SCAND3: variants seen among roughly 807,000 people sequenced by gnomAD.
SCAND3 encodes SCAN domain-containing protein 3.
the SCAND3 span, among the ~76,000 whole-genome samples, chr6:28,610,818 A>G: frequency 7.8e-4 from 119 of 152,328 alleles, no homozygotes; most frequent in African/African-American, 2.8e-3. Context: ...TGTTAGAAAA[A>G]CAATGTAATC....
chr6:28,588,508 G>A, the SCAND3 span, among the ~76,000 whole-genome samples: 1 of 152,282 alleles, frequency 6.6e-6, no homozygotes, highest in African/African-American at 2.4e-5. The surrounding 1 kb of genome is among the most constrained non-coding windows in gnomAD (Gnocchi z 4.1). Flanking sequence ...AGTCAACGTG[G>A]CAAGAAGTGA....
the SCAND3 span, chr6:28,575,123 T>C: frequency 6.2e-7 from 1 of 1,614,194 alleles, no homozygotes; most frequent in Non-Finnish European, 8.5e-7. The surrounding 1 kb of genome is among the most constrained non-coding windows in gnomAD (Gnocchi z 4.2). Flanking sequence ...AAGCCCAGTT[T>C]AGCTTCAGAG....
the SCAND3 span, among the ~76,000 whole-genome samples, chr6:28,615,237 A>G: frequency 7.2e-5 from 11 of 152,314 alleles, no homozygotes; most frequent in Non-Finnish European, 1.3e-4. Context: ...TTTCATATGA[A>G]TTTTAACCAA....
chr6:28,586,784 T>C, the SCAND3 span: 1 of 1,400,856 alleles, frequency 7.1e-7, no homozygotes. The surrounding 1 kb of genome is among the most constrained non-coding windows in gnomAD (Gnocchi z 4.4). Flanking sequence ...GTGATTTTAC[T>C]TGAGCTCCTT....
chr6:28,574,334 T>C, the SCAND3 span, among the ~76,000 whole-genome samples: 1 of 152,182 alleles, frequency 6.6e-6, no homozygotes, highest in Non-Finnish European at 1.5e-5. Context: ...ACATTAACCC[T>C]ACTTCATAAA....
chr6:28,581,202 G>A, the SCAND3 span, among the ~76,000 whole-genome samples: 1 of 152,100 alleles, frequency 6.6e-6, no homozygotes. Context: ...GCCAGGCATG[G>A]TAGCACATAT....
chr6:28,575,483 A>C, the SCAND3 span: 1 of 1,613,970 alleles, frequency 6.2e-7, no homozygotes, highest in Non-Finnish European at 8.5e-7. This position sits in a 1 kb window ranked among gnomAD's most constrained non-coding sequence, Gnocchi z 4.2. Context: ...GACTTTAATG[A>C]CCGCAAAAAA....
At chr6:28,605,238 C>A in the SCAND3 span, among the ~76,000 whole-genome samples, 8 of 152,246 alleles carry the variant, frequency 5.3e-5, no homozygotes, top group Admixed American at 1.3e-4. Flanking sequence ...TGCTCACTAC[C>A]CTGACCTGGG....
the SCAND3 span, chr6:28,593,437 G>A: frequency 6.6e-6 from 1 of 151,974 alleles, no homozygotes; most frequent in Non-Finnish European, 1.5e-5. Context: ...CACTTCGGGA[G>A]GCTGAGGCGG....
the SCAND3 span, chr6:28,573,446 T>C: frequency 1.9e-6 from 3 of 1,614,144 alleles, no homozygotes; most frequent in African/African-American, 1.3e-5. Flanking sequence ...CTAATGTTTA[T>C]ATGAGAAACG....
At chr6:28,600,339 G>A in the SCAND3 span, among the ~76,000 whole-genome samples, 49 of 152,254 alleles carry the variant, frequency 3.2e-4, no homozygotes, top group South Asian at 6.6e-3. Flanking sequence ...GGAATTAAAA[G>A]TCAAAACAGC....
chr6:28,575,799 T>C, the SCAND3 span: 1 of 1,614,004 alleles, frequency 6.2e-7, no homozygotes, highest in Admixed American at 1.7e-5. This position sits in a 1 kb window ranked among gnomAD's most constrained non-coding sequence, Gnocchi z 4.2. Context: ...CCTCACTGTG[T>C]AAGTAATACC....
chr6:28,573,228 A>T, the SCAND3 span: 9 of 1,613,964 alleles, frequency 5.6e-6, no homozygotes, highest in Non-Finnish European at 7.6e-6. Flanking sequence ...CTATGAGTTG[A>T]TCTTCCATAT....
At chr6:28,597,745 G>C in the SCAND3 span, 4 of 152,216 alleles carry the variant, frequency 2.6e-5, no homozygotes, top group African/African-American at 4.8e-5. Context: ...TAGCTCCTCT[G>C]TGTTCTCCCT....
At chr6:28,591,576 T>A in the SCAND3 span, 4 of 152,314 alleles carry the variant, frequency 2.6e-5, no homozygotes, top group Non-Finnish European at 5.9e-5. Flanking sequence ...GTTTCTCTTT[T>A]TCCACCCTTG....
chr6:28,607,153 G>A, the SCAND3 span, among the ~76,000 whole-genome samples: 1 of 152,212 alleles, frequency 6.6e-6, no homozygotes, highest in Non-Finnish European at 1.5e-5. Context: ...CCTGTCTGTG[G>A]TTGGGGGTGT....
the SCAND3 span, chr6:28,573,440 T>G: frequency 6.2e-7 from 1 of 1,614,178 alleles, no homozygotes; most frequent in Non-Finnish European, 8.5e-7. Context: ...AAAGCACTAA[T>G]GTTTATATGA....
At chr6:28,603,807 A>T in the SCAND3 span, among the ~76,000 whole-genome samples, 255 of 152,308 alleles carry the variant, frequency 1.7e-3, 1 homozygote, top group African/African-American at 5.9e-3. Flanking sequence ...GAAATGTATC[A>T]TCTCATCTCC....
the SCAND3 span, among the ~76,000 whole-genome samples, chr6:28,585,697 A>G: frequency 2.0e-5 from 3 of 152,258 alleles, no homozygotes; most frequent in African/African-American, 4.8e-5. Context: ...TCACTAAAAA[A>G]TATAAGAATG....
Sources: allele counts gnomAD v4.1 joint callset (sites outside exome capture counted in the v4.1 genomes callset), GRCh38; gene constraint gnomAD v4.1.1; non-coding constraint Gnocchi (gnomAD v3.1); transcripts MANE v1.5; gene names NCBI Gene and HGNC (gene_info 2026-07-23, HGNC 2026-07-21).